Variants in DDR2 observed in about 807,000 individuals in gnomAD.
The protein encoded by DDR2 is discoidin domain-containing receptor 2.
A neutral mutation model predicts 94.9 loss-of-function variants in DDR2; 27 were observed. That is an observed-to-expected ratio of 0.28 (90% CI 0.21 to 0.39). DDR2 has a LOEUF of 0.39. DDR2 is among the 10% of genes least tolerant of loss of function. The probability of loss-of-function intolerance (pLI) is 1.00; values close to 1 mark genes in which losing one functional copy is unlikely to be tolerated. For missense variants in DDR2, 783 were observed against 1,076.0 expected (o/e 0.73, Z 3.81); for synonymous variants, 382 against 377.2 (o/e 1.01, Z -0.15).
intron 3 of DDR2, among the ~76,000 whole-genome samples, chr1:162,749,761 A>G (rs542647892): frequency 3.9e-5 from 6 of 152,352 alleles, no homozygotes; most frequent in Admixed American, 3.3e-4. Context: ...AAAAATCCTA[A>G]ATAAAATACT....
At chr1:162,734,138 C>G (rs979409143) in intron 3 of DDR2, among the ~76,000 whole-genome samples, 1 of 152,164 alleles carries the variant, frequency 6.6e-6, no homozygotes, top group Non-Finnish European at 1.5e-5. Context: ...TAAATACATA[C>G]ACATTTGTAA....
At chr1:162,772,344 C>A in intron 13 of DDR2, 97 bp downstream of exon 13, 1 of 1,205,800 alleles carries the variant, frequency 8.3e-7, no homozygotes, top group Non-Finnish European at 1.2e-6. Context: ...GGATTCACAA[C>A]AGAATGTCTC....
chr1:162,719,553 T>C (rs1261602815), intron 3 of DDR2, among the ~76,000 whole-genome samples: 1 of 152,194 alleles, frequency 6.6e-6, no homozygotes, highest in African/African-American at 2.4e-5. Flanking sequence ...TGTCCTGTTA[T>C]GCTTTTGGGA....
intron 16 of DDR2, among the ~76,000 whole-genome samples, chr1:162,776,675 A>G (rs187917617): frequency 5.3e-5 from 8 of 152,300 alleles, no homozygotes; most frequent in East Asian, 3.9e-4. Context: ...TAAAAACCTT[A>G]TCATTTAAAG....
At chr1:162,764,885 T>A (rs755267520) in intron 9 of DDR2, among the ~76,000 whole-genome samples, 2 of 151,994 alleles carry the variant, frequency 1.3e-5, no homozygotes, top group Non-Finnish European at 2.9e-5. Flanking sequence ...CTTTCAGATT[T>A]GATTTTTAAG....
At chr1:162,660,821 C>T (rs771179892) in intron 2 of DDR2, among the ~76,000 whole-genome samples, 9 of 152,174 alleles carry the variant, frequency 5.9e-5, no homozygotes, top group African/African-American at 1.4e-4. Context: ...ATCACAGTGA[C>T]GCTCATGTAT....
intron 2 of DDR2, among the ~76,000 whole-genome samples, chr1:162,661,765 C>A (rs1054645737): frequency 3.3e-5 from 5 of 152,186 alleles, no homozygotes; most frequent in Admixed American, 3.3e-4. Context: ...TTTCCAGAAC[C>A]AAATTTCAGA....
chr1:162,657,775 G>C (rs1658074597), intron 2 of DDR2, among the ~76,000 whole-genome samples: 2 of 151,962 alleles, frequency 1.3e-5, no homozygotes, highest in Admixed American at 6.6e-5. Context: ...GGTACCCCTA[G>C]TCAGTCTTCC....
chr1:162,733,265 G>A (rs1419010271), intron 3 of DDR2, among the ~76,000 whole-genome samples: 2 of 152,182 alleles, frequency 1.3e-5, no homozygotes, highest in South Asian at 2.1e-4. Flanking sequence ...TAGGGCTTGG[G>A]CCAACTTGGC....
chr1:162,634,459 G>A (rs190903007), intron 1 of DDR2, among the ~76,000 whole-genome samples: 4 of 152,270 alleles, frequency 2.6e-5, no homozygotes, highest in African/African-American at 7.2e-5. Context: ...CAGCTCTTTC[G>A]ATTAGGATCG....
At chr1:162,689,396 C>A (rs1393479328) in intron 2 of DDR2, among the ~76,000 whole-genome samples, 1 of 152,076 alleles carries the variant, frequency 6.6e-6, no homozygotes, top group African/African-American at 2.4e-5. Flanking sequence ...AGATAACTTG[C>A]CCAAGGTCAT....
chr1:162,763,127 G>A (rs1026857739), intron 9 of DDR2, among the ~76,000 whole-genome samples: 4 of 151,468 alleles, frequency 2.6e-5, no homozygotes, highest in African/African-American at 7.3e-5. Context: ...ATGAGCCACC[G>A]TGTCTGGCCA....
intron 2 of DDR2, among the ~76,000 whole-genome samples, chr1:162,688,069 G>A (rs1256770742): frequency 6.6e-6 from 1 of 152,184 alleles, no homozygotes; most frequent in Non-Finnish European, 1.5e-5. Flanking sequence ...TGTTATGTAA[G>A]TAAAAGGATG....
intron 12 of DDR2, 120 bp from the exon 13 acceptor site, chr1:162,771,904 G>T: frequency 9.7e-7 from 1 of 1,030,352 alleles, no homozygotes; most frequent in Non-Finnish European, 1.5e-6. Context: ...AAGTAAGAAT[G>T]TCATGAAGCA....
At chr1:162,734,322 T>A (rs1005109495) in intron 3 of DDR2, among the ~76,000 whole-genome samples, 3 of 152,230 alleles carry the variant, frequency 2.0e-5, no homozygotes, top group African/African-American at 7.2e-5. Context: ...TGTAAAGTGA[T>A]GAACAACAGA....
In DDR2 at chr1:162,761,326, T is replaced by C. The variant is rs376834703; in HGVS notation, c.971T>C (p.Leu324Pro). 102 of 1,614,116 alleles carry C rather than the reference T, an allele frequency of 6.3e-5. No individual in the cohort carries two copies. Among genetic ancestry groups the C allele is most frequent in the Middle Eastern group, 3.3e-4 (2 of 6,084 alleles). Reference protein sequence around the residue: ...EPNAISFPLVLDDVNPSARFV... With the variant: ...EPNAISFPLVPDDVNPSARFV... Reference sequence around the variant, plus strand: ...AATGCCATTTCCTTCCCCCTTGTCCTGGATGACGTCAACCCCAGTGCTCGG... The same window carrying C: ...AATGCCATTTCCTTCCCCCTTGTCCCGGATGACGTCAACCCCAGTGCTCGG... The change falls in exon 9 of 18, where the codon CTG (leucine) becomes CCG (proline). Residue 324 changes from leucine (L) to proline (P), a missense_variant. This residue lies in a region of DDR2 where 519 missense variants were observed against 647.9 expected (regional missense o/e 0.80). Transcript: ENST00000367921.
At position 162,755,086 on chromosome 1, in the gene DDR2, C is replaced by T. The variant is rs1006663951; in HGVS notation, c.418-70C>T. The T allele has an allele frequency of 9.4e-6, 15 of 1,601,874 alleles. No homozygotes were observed. The African/African-American group carries it at 1.2e-4, about 13-fold the overall frequency. On this transcript the variant is annotated intron_variant, in intron 5 of 17. Transcript: ENST00000367921. ...TTAAGAAGAGAGAGTCCATCAAAAA[C>T]GTGGTGGGGTGAAGAAAAGTGAGCA...
intron 2 of DDR2, among the ~76,000 whole-genome samples, chr1:162,713,660 TA>T: frequency 6.6e-6 from 1 of 152,352 alleles, no homozygotes. Context: ...TCAACCGTTG[TA>T]ACTGTGAGTA....
At chr1:162,727,384 A>G (rs999132379) in intron 3 of DDR2, among the ~76,000 whole-genome samples, 1 of 144,366 alleles carries the variant, frequency 6.9e-6, no homozygotes, top group Non-Finnish European at 1.5e-5. Flanking sequence ...ATATATAGAT[A>G]TATCTATATT....
Sources: gnomAD v4.1 joint callset for allele counts (sites outside exome capture counted in the v4.1 genomes callset) on GRCh38, gnomAD v4.1.1 for gene constraint, gnomAD v4.1.1 regional missense constraint, MANE v1.5 for transcripts, NCBI Gene and HGNC (gene_info 2026-07-23, HGNC 2026-07-21) for gene names.